EXOC6B: variants seen among roughly 807,000 people sequenced by gnomAD.
EXOC6B encodes exocyst complex component 6B.
Under a neutral mutation model 113.5 loss-of-function variants are expected in EXOC6B, and 54 were observed. The ratio of observed to expected loss-of-function variants is 0.48; its 90% CI spans 0.38 to 0.60. The LOEUF (loss-of-function observed/expected upper bound fraction) is 0.60, where lower values mean the gene tolerates loss of function less well. EXOC6B is among the 20% of genes least tolerant of loss of function. The probability of loss-of-function intolerance (pLI) is 0.00; values close to 1 mark genes in which losing one functional copy is unlikely to be tolerated. For synonymous variants in EXOC6B, 357 were observed against 339.0 expected (o/e 1.05, Z -0.58); for missense variants, 797 against 977.5 (o/e 0.82, Z 2.46).
intron 19 of EXOC6B, among the ~76,000 whole-genome samples, chr2:72,357,690 A>AC (rs1205873269): frequency 1.4e-5 from 1 of 72,236 alleles, no homozygotes; most frequent in Non-Finnish European, 2.4e-5. Context: ...GACTGCCTTT[A>AC]AAAAAAAAAA....
intron 5 of EXOC6B, among the ~76,000 whole-genome samples, chr2:72,722,586 T>A (rs905571587): frequency 6.6e-6 from 1 of 152,170 alleles, no homozygotes; most frequent in Non-Finnish European, 1.5e-5. Context: ...ACAAATATAG[T>A]TAAATCTGAA....
chr2:72,825,904 G>T lies in EXOC6B; in HGVS notation c.7C>A (p.Arg3=). 1 of 1,612,556 alleles carries T rather than the reference G, an allele frequency of 6.2e-7. No individual in the cohort carries two copies. The highest frequency in any genetic ancestry group is 8.5e-7 in the Non-Finnish European group (1 of 1,179,486). Residue 3 remains arginine (R), a synonymous_variant, in exon 1 of 22, where the codon CGG becomes AGG. Coordinates refer to ENST00000272427, the MANE Select transcript of EXOC6B (RefSeq NM_015189.3). The surrounding 1 kb of genome is among the most constrained non-coding windows in gnomAD (Gnocchi z 4.4). Reference sequence around the variant, plus strand: ...CTCTCCGCCTCCGCCATCTTACCCCGCTCCATAGACTGGGGGCGCCCCGCA... The same window carrying T: ...CTCTCCGCCTCCGCCATCTTACCCCTCTCCATAGACTGGGGGCGCCCCGCA... ME[R]GKMAEAESLE... is the part of the protein sequence containing the mutation.
At chr2:72,673,664 T>C (rs1372328848) in intron 6 of EXOC6B, among the ~76,000 whole-genome samples, 1 of 152,016 alleles carries the variant, frequency 6.6e-6, no homozygotes, top group East Asian at 1.9e-4. Flanking sequence ...CCTGAAACTT[T>C]CAATTATAGG....
chr2:72,449,834 G>A (rs1375706418), intron 18 of EXOC6B, among the ~76,000 whole-genome samples: 2 of 152,146 alleles, frequency 1.3e-5, no homozygotes, highest in Non-Finnish European at 2.9e-5. Context: ...AAGACTTAGA[G>A]TTCTAGTCTA....
intron 18 of EXOC6B, among the ~76,000 whole-genome samples, chr2:72,399,438 A>T (rs991795677): frequency 6.6e-6 from 1 of 152,224 alleles, no homozygotes; most frequent in Non-Finnish European, 1.5e-5. Flanking sequence ...AATAAAAAGT[A>T]TCCAAACAGG....
At chr2:72,546,859 GA>G (rs1404690748) in intron 8 of EXOC6B, among the ~76,000 whole-genome samples, 2 of 152,220 alleles carry the variant, frequency 1.3e-5, no homozygotes, top group African/African-American at 2.4e-5. Flanking sequence ...AGGTGGTAGA[GA>G]GTTCTTATGA....
chr2:72,485,841 A>G (rs1699395708), intron 16 of EXOC6B, among the ~76,000 whole-genome samples: 1 of 152,222 alleles, frequency 6.6e-6, no homozygotes, highest in Non-Finnish European at 1.5e-5. Context: ...CTACTACCAT[A>G]TTAGGTATGT....
At chr2:72,503,205 C>T (rs941659837) in intron 11 of EXOC6B, among the ~76,000 whole-genome samples, 2 of 152,090 alleles carry the variant, frequency 1.3e-5, no homozygotes, top group African/African-American at 4.8e-5. Context: ...AATTATTAAA[C>T]AAAACCCATA....
intron 6 of EXOC6B, among the ~76,000 whole-genome samples, chr2:72,618,121 C>T (rs938237117): frequency 2.0e-4 from 30 of 152,110 alleles, no homozygotes; most frequent in South Asian, 2.1e-4. Flanking sequence ...GTAATCCCAG[C>T]ACTTTGGGAG....
At chr2:72,589,422 A>C (rs1459031546) in intron 6 of EXOC6B, among the ~76,000 whole-genome samples, 1 of 152,056 alleles carries the variant, frequency 6.6e-6, no homozygotes, top group Admixed American at 6.6e-5. Flanking sequence ...TACCATCTTC[A>C]ACAAAGTATT....
chr2:72,558,509 G>A (rs764877764), intron 8 of EXOC6B, among the ~76,000 whole-genome samples: 4 of 152,162 alleles, frequency 2.6e-5, no homozygotes, highest in South Asian at 2.1e-4. Flanking sequence ...GGTGGCTCAC[G>A]CCTGTAATCC....
Position 72,580,132 on chromosome 2 carries a change from A to C in EXOC6B, c.670-4464T>G, listed in dbSNP as rs554632358. On this transcript the variant is annotated intron_variant, in intron 6 of 21. Coordinates refer to ENST00000272427, the MANE Select transcript of EXOC6B (RefSeq NM_015189.3). ...CTATCTTGCCTCTGAAAAAGAAATAAGAATTTTTTTTTTTTTTTTTTTTTT... is the reference window on the plus strand; with the variant it reads ...CTATCTTGCCTCTGAAAAAGAAATACGAATTTTTTTTTTTTTTTTTTTTTT... 7.3e-5 allele frequency among the ~76,000 whole-genome samples: 11 copies of C among 150,342 alleles called. 1 individual carries two copies. In the East Asian group the frequency reaches 2.1e-3, roughly 29 times the overall value.
intron 20 of EXOC6B, among the ~76,000 whole-genome samples, chr2:72,290,703 C>G (rs911260111): frequency 1.3e-5 from 2 of 151,444 alleles, no homozygotes; most frequent in African/African-American, 2.4e-5. Flanking sequence ...TATAAAAAAA[C>G]GTTTTTAATA....
intron 20 of EXOC6B, among the ~76,000 whole-genome samples, chr2:72,330,260 A>T (rs1688350268): frequency 6.6e-6 from 1 of 152,116 alleles, no homozygotes; most frequent in African/African-American, 2.4e-5. Context: ...GTTAAGAAGC[A>T]CTTACAATGA....
chr2:72,596,421 A>AG lies in EXOC6B; in HGVS notation c.670-20754dup, dbSNP rs201000885. On this transcript the variant is annotated intron_variant, in intron 6 of 21. Transcript: ENST00000272427. ...AAAACTCTTTAAGAGGCCCAGTCTT[A>AG]GGGGGGCTCCTGAGTTTTACCTTTA... is the stretch of plus-strand genomic sequence containing the variant. Among the ~76,000 whole-genome samples, 486 of 152,226 alleles carry AG rather than the reference A, an allele frequency of 3.2e-3. 1 individual carries two copies. Among genetic ancestry groups the AG allele is most frequent in the Non-Finnish European group, 5.0e-3 (340 of 67,984 alleles).
At chr2:72,252,955 A>T (rs1386643843) in intron 20 of EXOC6B, among the ~76,000 whole-genome samples, 1 of 152,220 alleles carries the variant, frequency 6.6e-6, no homozygotes, top group Admixed American at 6.5e-5. Flanking sequence ...ACTGCAGTGG[A>T]TAATGGTGAA....
intron 6 of EXOC6B, among the ~76,000 whole-genome samples, chr2:72,671,836 G>A (rs1023565650): frequency 3.6e-5 from 5 of 140,794 alleles, no homozygotes; most frequent in Admixed American, 7.4e-5. Context: ...AAAGAAAGAA[G>A]GAAAGAATGG....
chr2:72,625,861 A>C (rs977763828), intron 6 of EXOC6B, among the ~76,000 whole-genome samples: 4 of 152,210 alleles, frequency 2.6e-5, no homozygotes, highest in African/African-American at 9.7e-5. Flanking sequence ...ATTTACACTA[A>C]ACAATGGTTT....
At chr2:72,721,569 T>G (rs1235648215) in intron 5 of EXOC6B, among the ~76,000 whole-genome samples, 1 of 151,996 alleles carries the variant, frequency 6.6e-6, no homozygotes, top group African/African-American at 2.4e-5. Flanking sequence ...CAGGTTTTTA[T>G]TAATGACACA....
Sources: gnomAD v4.1 joint callset for allele counts (sites outside exome capture counted in the v4.1 genomes callset) on GRCh38, gnomAD v4.1.1 for gene constraint, Gnocchi (gnomAD v3.1) non-coding constraint, MANE v1.5 for transcripts, NCBI Gene and HGNC (gene_info 2026-07-23, HGNC 2026-07-21) for gene names.